CDIN1: variants seen among roughly 807,000 people sequenced by gnomAD.
CDIN1 encodes the protein CDAN1-interacting nuclease 1.
In CDIN1, 33 loss-of-function variants were observed where a neutral mutation model predicts 45.3. The ratio of observed to expected loss-of-function variants is 0.73; its 90% CI spans 0.55 to 0.97. CDIN1 has a LOEUF of 0.97. Among genes scored for constraint, CDIN1 ranks in the 50% least tolerant of loss-of-function variants. The pLI, the probability that CDIN1 is intolerant of heterozygous loss-of-function variation, is 0.00. For missense variants in CDIN1, 303 were observed against 339.4 expected, an observed-to-expected ratio of 0.89 and a Z score of 0.84; for synonymous variants, 118 against 124.4, an observed-to-expected ratio of 0.95 and a Z score of 0.34.
At chr15:36,716,155 TTACTC>T (rs925120234) in intron 10 of CDIN1, among the ~76,000 whole-genome samples, 46 of 152,296 alleles carry the variant, frequency 3.0e-4, no homozygotes, top group African/African-American at 1.1e-3. Context: ...ATCTAAATGA[TTACTC>T]TTTTCAAGCA....
chr15:36,636,808 C>T (rs1398216458), intron 1 of CDIN1, among the ~76,000 whole-genome samples: 2 of 151,990 alleles, frequency 1.3e-5, no homozygotes. Flanking sequence ...AATCACCAAT[C>T]AATAATAAAT....
chr15:36,674,002 A>G (rs1055847469), intron 5 of CDIN1, among the ~76,000 whole-genome samples: 3 of 152,192 alleles, frequency 2.0e-5, no homozygotes, highest in African/African-American at 7.2e-5. Flanking sequence ...ATAAAAGAAT[A>G]TATAGTTATG....
chr15:36,587,462 A>G (rs1039946528), intron 1 of CDIN1, among the ~76,000 whole-genome samples: 5 of 151,734 alleles, frequency 3.3e-5, no homozygotes, highest in Non-Finnish European at 7.4e-5. Flanking sequence ...TACAGTGTTG[A>G]ACTTAGTGGT....
At chr15:36,635,260 G>C (rs1170174792) in intron 1 of CDIN1, among the ~76,000 whole-genome samples, 1 of 152,172 alleles carries the variant, frequency 6.6e-6, no homozygotes, top group Non-Finnish European at 1.5e-5. Context: ...CCAGTATCAA[G>C]TCAGAATTCT....
At position 36,601,766 on chromosome 15, in the gene CDIN1, G is replaced by A. The variant is rs116748469; in HGVS notation, c.101+21805G>A. On this transcript the variant is annotated intron_variant, in intron 1 of 10. Transcript: ENST00000566621. ...TCCTAACCGTATGAGTAAAATCCTC[G>A]TGTCCTGCCTGGCACACAGTGCTAG... 5.8e-3 allele frequency among the ~76,000 whole-genome samples: 883 copies of A among 152,154 alleles called. 17 individuals carry two copies. Among genetic ancestry groups the A allele is most frequent in the African/African-American group, 0.02 (816 of 41,506 alleles).
At chr15:36,605,714 G>T (rs890408095) in intron 1 of CDIN1, among the ~76,000 whole-genome samples, 1 of 152,150 alleles carries the variant, frequency 6.6e-6, no homozygotes, top group African/African-American at 2.4e-5. Flanking sequence ...TATACTAATT[G>T]CAGGGTGTGC....
At chr15:36,585,286 T>C (rs1478633314) in intron 1 of CDIN1, among the ~76,000 whole-genome samples, 1 of 152,228 alleles carries the variant, frequency 6.6e-6, no homozygotes, top group Non-Finnish European at 1.5e-5. Flanking sequence ...TAATGCAATA[T>C]CATTAATCTA....
At chr15:36,665,317 C>T (rs1461354643) in intron 5 of CDIN1, among the ~76,000 whole-genome samples, 1 of 152,146 alleles carries the variant, frequency 6.6e-6, no homozygotes, top group Non-Finnish European at 1.5e-5. Flanking sequence ...TTCAACTACG[C>T]TTTATAGTGT....
chr15:36,712,160 A>G (rs1409439430), intron 10 of CDIN1, among the ~76,000 whole-genome samples: 3 of 150,996 alleles, frequency 2.0e-5, no homozygotes, highest in Non-Finnish European at 4.4e-5. Flanking sequence ...ATAAGCCTCT[A>G]GTTTATATAA....
intron 8 of CDIN1, among the ~76,000 whole-genome samples, chr15:36,699,822 A>G (rs1021367649): frequency 6.6e-5 from 10 of 152,220 alleles, no homozygotes; most frequent in Admixed American, 2.0e-4. Flanking sequence ...TATAGGAAAG[A>G]AAAACAGAAG....
chr15:36,599,916 G>A (rs932243684), intron 1 of CDIN1, among the ~76,000 whole-genome samples: 1 of 152,198 alleles, frequency 6.6e-6, no homozygotes, highest in East Asian at 1.9e-4. Context: ...AGAAGAGCAT[G>A]CAAATATTGA....
chr15:36,644,401 A>G, intron 2 of CDIN1, 78 bp downstream of exon 2: 1 of 1,443,162 alleles, frequency 6.9e-7, no homozygotes, highest in Non-Finnish European at 9.6e-7. Flanking sequence ...TTTGTAATTG[A>G]ACTGCCAGCT....
chr15:36,751,194 A>G (rs2053451559), intron 10 of CDIN1, among the ~76,000 whole-genome samples: 1 of 140,320 alleles, frequency 7.1e-6, no homozygotes. Flanking sequence ...ACTTCATTCC[A>G]TTTTTATTGA....
chr15:36,666,687 G>C (rs115184399), intron 5 of CDIN1, among the ~76,000 whole-genome samples: 1 of 152,056 alleles, frequency 6.6e-6, no homozygotes, highest in African/African-American at 2.4e-5. Flanking sequence ...GGGTTAGAAT[G>C]CCCCAAACTT....
chr15:36,692,156 C>G lies in CDIN1; in HGVS notation c.457C>G (p.Leu153Val), dbSNP rs760474110. 2.5e-6 allele frequency: 4 copies of G among 1,613,788 alleles called. No individual in the cohort carries two copies. Among genetic ancestry groups the G allele is most frequent in the Non-Finnish European group, 2.5e-6 (3 of 1,179,828 alleles). The change falls in exon 7 of 11, where the codon CTA (leucine) becomes GTA (valine). Residue 153 changes from leucine (L) to valine (V), a missense_variant. Coordinates refer to ENST00000566621, the MANE Select transcript of CDIN1 (RefSeq NM_001321759.2). ...CIVNDCCYGPLVDCIKHAIGH... is the reference protein window; with the variant it reads ...CIVNDCCYGPVVDCIKHAIGH... ...TGTGAACGACTGCTGTTACGGACCA[C>G]TAGTGGACTGCATCAAGCAGTATCC...
intron 10 of CDIN1, among the ~76,000 whole-genome samples, chr15:36,714,712 C>T (rs2043163971): frequency 6.6e-6 from 1 of 152,100 alleles, no homozygotes; most frequent in Admixed American, 6.5e-5. Flanking sequence ...AGCACATGCC[C>T]AGCCTGCATA....
intron 10 of CDIN1, among the ~76,000 whole-genome samples, chr15:36,757,867 C>G (rs776374255): frequency 6.6e-6 from 1 of 152,116 alleles, no homozygotes; most frequent in African/African-American, 2.4e-5. Flanking sequence ...CAAATCATCA[C>G]AGGAAGAGAG....
In CDIN1 at chr15:36,695,409, T is replaced by C. The variant is rs965178430; in HGVS notation, c.477-1914T>C. On this transcript the variant is annotated intron_variant, in intron 7 of 10. Coordinates refer to ENST00000566621, the MANE Select transcript of CDIN1 (RefSeq NM_001321759.2). ...TTGAAATACTAGACTAGGATAACAC[T>C]CCTTTTCAGACTTTGGGCAATCTCA... Among the ~76,000 whole-genome samples the C allele has an allele frequency of 3.3e-5, 5 of 152,262 alleles. No individual in the cohort carries two copies. The East Asian group carries it at 9.6e-4, about 29-fold the overall frequency.
At position 36,654,108 on chromosome 15, in the gene CDIN1, G is replaced by A. The variant is rs1415323006; in HGVS notation, c.223G>A (p.Gly75Arg). 6.3e-7 allele frequency: 1 copy of A among 1,578,654 alleles called. No individual in the cohort carries two copies. The highest frequency in any genetic ancestry group is 8.6e-7 in the Non-Finnish European group (1 of 1,159,982). ...IESYYQRYLN[G>R]VVKNGAAPVL... ...CTTTGTCTTGTCTAGGTACCTGAAT[G>A]GAGTGGTGAAAAATGGAGCTGCCCC... The change falls in exon 4 of 11, where the codon GGA becomes AGA. Residue 75 changes from glycine to arginine, a missense_variant. Gly to Arg is a moderately radical substitution (Grantham distance 125). Transcript: ENST00000566621.
Sources: allele counts gnomAD v4.1 joint callset (sites outside exome capture counted in the v4.1 genomes callset), GRCh38; gene constraint gnomAD v4.1.1; transcripts MANE v1.5; gene names NCBI Gene and HGNC (gene_info 2026-07-23, HGNC 2026-07-21).